The following PCDHGA2 variants were observed in gnomAD, a reference collection of about 807,000 sequenced individuals.
The protein encoded by PCDHGA2 is protocadherin gamma subfamily A, 2.
In PCDHGA2, 40 loss-of-function variants were observed where a neutral mutation model predicts 59.2. The observed-to-expected ratio is 0.68, with a 90% confidence interval of 0.52 to 0.88. The LOEUF (loss-of-function observed/expected upper bound fraction) is 0.88. Ranked by LOEUF, PCDHGA2 falls within the 40% of genes least tolerant of loss-of-function variation. The pLI is 0.00. For synonymous variants in PCDHGA2, 560 were observed against 526.0 expected (o/e 1.06, Z -0.89); for missense variants, 1,226 against 1,204.0 (o/e 1.02, Z -0.27).
At chr5:141,428,102 G>A (rs774075619) in intron 1 of PCDHGA2, 1 of 1,608,518 alleles carries the variant, frequency 6.2e-7, no homozygotes, top group Non-Finnish European at 8.5e-7. Context: ...CCTACCACGT[G>A]CTGCAGGCCA....
Position 141,489,245 on chromosome 5 carries a change from G to A in PCDHGA2, c.2425-5562G>A, listed in dbSNP as rs773391205. 3 of 1,536,634 alleles carry A rather than the reference G, an allele frequency of 2.0e-6. No homozygotes were observed. The South Asian group carries it at 3.9e-5, about 20-fold the overall frequency. On this transcript the variant is annotated intron_variant, in intron 1 of 3. Transcript: ENST00000394576. The surrounding 1 kb of genome is among the most constrained non-coding windows in gnomAD (Gnocchi z 4.5). The stretch of plus-strand genomic sequence containing the variant: ...CCACAAAGGGACTTCTGGGTCATGG[G>A]GCCCAAGACACTCCCACAGCTCGCT...
rs1057108915 is a variant in PCDHGA2 at position 141,511,366 on chromosome 5, T to C, written c.*193T>C. The C allele has an allele frequency of 3.8e-6, 5 of 1,306,414 alleles. No individual in the cohort carries two copies. In the Admixed American group the frequency reaches 8.4e-5, roughly 22 times the overall value. The allele number at this position is 1,306,414 out of a possible 1,614,324, so 80.9% of individuals were successfully genotyped here. A position where few individuals can be genotyped will look rare whatever the true frequency, so the allele number is the denominator to read the frequency against. On this transcript the variant is annotated 3_prime_UTR_variant, in exon 4 of 4. Transcript: ENST00000394576. ...CCCTTCCCCCCCAGGGGGTTGAATA[T>C]GCAAAAGCAGTTCCGCTGGGAACCC...
At chr5:141,347,801 A>AG (rs1209301870) in intron 1 of PCDHGA2, among the ~76,000 whole-genome samples, 1 of 151,846 alleles carries the variant, frequency 6.6e-6, no homozygotes, top group Non-Finnish European at 1.5e-5. Flanking sequence ...AAAAAAAAAA[A>AG]GTAGAGGCTG....
rs778758819 is a variant in PCDHGA2, at chr5:141,339,502, C to T, written c.531C>T (p.His177=). The part of the protein sequence containing the change: ...LQKYALNPND[H]FSLDVRRGAD... Reference sequence around the variant, plus strand: ...AGTACGCACTCAACCCAAATGACCACTTCTCCCTGGACGTGCGAAGGGGAG... The same window carrying T: ...AGTACGCACTCAACCCAAATGACCATTTCTCCCTGGACGTGCGAAGGGGAG... The change falls in exon 1 of 4, where the codon CAC becomes CAT. Residue 177 remains histidine (H), a synonymous_variant. Transcript: ENST00000394576. 4 of 1,614,166 alleles carry T rather than the reference C, an allele frequency of 2.5e-6. No homozygotes were observed. The South Asian group carries it at 4.4e-5, about 18-fold the overall frequency.
In PCDHGA2 at chr5:141,486,421, G is replaced by C; in HGVS notation, c.2425-8386G>C. 1 of 1,614,152 alleles carries C rather than the reference G, an allele frequency of 6.2e-7. No individual in the cohort carries two copies. Among genetic ancestry groups the C allele is most frequent in the African/African-American group, 1.3e-5 (1 of 75,028 alleles). On this transcript the variant is annotated intron_variant, in intron 1 of 3. Coordinates refer to ENST00000394576, the MANE Select transcript of PCDHGA2 (RefSeq NM_018915.4). This position sits in a 1 kb window ranked among gnomAD's most constrained non-coding sequence, Gnocchi z 5.0. Reference sequence around the variant, plus strand: ...TGACTGCTGGACCCTTGGATCGAGAGGCCAAATCTAGCTATGACATCATGG... The same window carrying C: ...TGACTGCTGGACCCTTGGATCGAGACGCCAAATCTAGCTATGACATCATGG...
At chr5:141,404,642 T>C in intron 1 of PCDHGA2, 20 of 1,614,190 alleles carry the variant, frequency 1.2e-5, no homozygotes, top group Non-Finnish European at 1.7e-5. Flanking sequence ...AGAAATCCTG[T>C]ACCCTGCCCT....
At chr5:141,446,985 C>T (rs1411339328) in intron 1 of PCDHGA2, among the ~76,000 whole-genome samples, 1 of 152,064 alleles carries the variant, frequency 6.6e-6, no homozygotes, top group Non-Finnish European at 1.5e-5. Context: ...AATTCATACT[C>T]CACTCTTCAG....
intron 1 of PCDHGA2, among the ~76,000 whole-genome samples, chr5:141,450,006 C>CTATTTT (rs70988802): frequency 0.12 from 16,177 of 132,696 alleles, 1,810 homozygotes; most frequent in African/African-American, 0.21. Flanking sequence ...TGCCATGTCT[C>CTATTTT]TTTTTTTTTT....
chr5:141,385,388 G>A (rs757763221), intron 1 of PCDHGA2: 1 of 1,507,708 alleles, frequency 6.6e-7, no homozygotes, highest in Non-Finnish European at 8.8e-7. Context: ...CTATTATTTT[G>A]CAAAACAAAT....
chr5:141,361,066 A>C (rs1761866525), intron 1 of PCDHGA2: 2 of 1,613,958 alleles, frequency 1.2e-6, no homozygotes, highest in Non-Finnish European at 1.7e-6. Flanking sequence ...GGATTTTGAG[A>C]TTGCAAGTAG....
At chr5:141,437,096 C>T (rs989863634) in intron 1 of PCDHGA2, among the ~76,000 whole-genome samples, 6 of 152,122 alleles carry the variant, frequency 3.9e-5, no homozygotes, top group Non-Finnish European at 8.8e-5. Context: ...AAACTAACGG[C>T]TTAGCTTTAG....
chr5:141,433,001 G>A (rs1361701281), intron 1 of PCDHGA2: 39 of 1,614,156 alleles, frequency 2.4e-5, no homozygotes, highest in Non-Finnish European at 3.1e-5. Context: ...CGGGGTGCAG[G>A]CTTTCCTGCA....
intron 1 of PCDHGA2, among the ~76,000 whole-genome samples, chr5:141,483,611 A>G (rs2099583566): frequency 6.6e-6 from 1 of 151,952 alleles, no homozygotes; most frequent in South Asian, 2.1e-4. Context: ...TTACACCTCC[A>G]TCATTCCCAT....
intron 1 of PCDHGA2, chr5:141,397,991 C>T (rs960718940): frequency 1.5e-6 from 2 of 1,340,100 alleles, no homozygotes; most frequent in African/African-American, 3.0e-5. Context: ...TACACCGCTT[C>T]CTCCTCGGAA....
chr5:141,380,851 A>G (rs1341551183), intron 1 of PCDHGA2, among the ~76,000 whole-genome samples: 1 of 152,282 alleles, frequency 6.6e-6, no homozygotes, highest in Admixed American at 6.5e-5. Flanking sequence ...ATGGATCAAG[A>G]CATTGAGAGC....
At chr5:141,357,835 A>G in intron 1 of PCDHGA2, 1 of 654,218 alleles carries the variant, frequency 1.5e-6, no homozygotes, top group South Asian at 2.1e-5. Context: ...GTCTTCATTC[A>G]GTTGTAGTTT....
At chr5:141,423,936 G>A (rs2096792092) in intron 1 of PCDHGA2, 1 of 1,225,102 alleles carries the variant, frequency 8.2e-7, no homozygotes. Context: ...TTGGTTTGAA[G>A]TAAGTTGAAT....
chr5:141,422,853 C>T (rs746989617), intron 1 of PCDHGA2: 8 of 1,614,264 alleles, frequency 5.0e-6, no homozygotes, highest in South Asian at 3.3e-5. Flanking sequence ...GGGACCCGCC[C>T]CTCAGCAGCA....
chr5:141,404,072 C>G, intron 1 of PCDHGA2: 3 of 1,613,626 alleles, frequency 1.9e-6, no homozygotes, highest in Non-Finnish European at 2.5e-6. Context: ...TGCTCATGAC[C>G]GAGACTCCGG....
Sources: gnomAD v4.1 joint callset for allele counts (sites outside exome capture counted in the v4.1 genomes callset) on GRCh38, gnomAD v4.1.1 for gene constraint, Gnocchi (gnomAD v3.1) non-coding constraint, MANE v1.5 for transcripts, NCBI Gene and HGNC (gene_info 2026-07-23, HGNC 2026-07-21) for gene names.